Variants in SSH2 observed in about 807,000 individuals in gnomAD.
SSH2 encodes the protein protein phosphatase Slingshot homolog 2.
SSH2 carries 37 observed loss-of-function variants against 135.2 expected under a neutral mutation model. That is an observed-to-expected ratio of 0.27 (90% CI 0.21 to 0.36). The LOEUF (loss-of-function observed/expected upper bound fraction) is 0.36, where lower values mean the gene tolerates loss of function less well. Among genes scored for constraint, SSH2 ranks in the 10% least tolerant of loss-of-function variants. The pLI is 1.00. For missense variants in SSH2, 1,408 were observed against 1,765.3 expected (o/e 0.80, Z 3.63); for synonymous variants, 628 against 646.2 (o/e 0.97, Z 0.43).
At chr17:29,634,452 T>C (rs966894791) in intron 15 of SSH2, among the ~76,000 whole-genome samples, 1 of 152,256 alleles carries the variant, frequency 6.6e-6, no homozygotes, top group African/African-American at 2.4e-5. Flanking sequence ...GATATAGTGA[T>C]TCTTTTCCTG....
chr17:29,751,381 A>G (rs911576175), intron 3 of SSH2, among the ~76,000 whole-genome samples: 2 of 152,040 alleles, frequency 1.3e-5, no homozygotes, highest in African/African-American at 4.8e-5. Context: ...TGCAATTGCA[A>G]TGCAGCCTGG....
Position 29,627,199 on chromosome 17 carries a change from C to A in SSH2, c.*3642G>T, listed in dbSNP as rs1225538750. ...ATTCAAAATGTAAACAAAGTATCCACAAATAGTCCAAAAAAGCCAAAGAAT... is the reference window on the plus strand; with the variant it reads ...ATTCAAAATGTAAACAAAGTATCCAAAAATAGTCCAAAAAAGCCAAAGAAT... On this transcript the variant is annotated 3_prime_UTR_variant, in exon 16 of 16. Coordinates refer to ENST00000540801, the MANE Select transcript of SSH2 (RefSeq NM_001282129.2). 2.0e-5 allele frequency: 3 copies of A among 152,606 alleles called. No homozygotes were observed. Among genetic ancestry groups the A allele is most frequent in the Non-Finnish European group, 4.4e-5 (3 of 68,032 alleles). 9.5% of individuals were successfully genotyped at this position (152,606 alleles called of 1,614,324 possible).
intron 3 of SSH2, among the ~76,000 whole-genome samples, chr17:29,762,062 G>A (rs1445015019): frequency 6.6e-6 from 1 of 151,810 alleles, no homozygotes; most frequent in East Asian, 1.9e-4. Flanking sequence ...TGTATTTTTC[G>A]TAGAGATGGG....
intron 12 of SSH2, among the ~76,000 whole-genome samples, chr17:29,655,082 A>G (rs1382321509): frequency 1.3e-5 from 2 of 152,118 alleles, no homozygotes; most frequent in Non-Finnish European, 2.9e-5. Flanking sequence ...TGGGGGGACG[A>G]AACAGGGAGA....
intron 2 of SSH2, among the ~76,000 whole-genome samples, chr17:29,847,734 A>T (rs2043157181): frequency 6.6e-6 from 1 of 152,230 alleles, no homozygotes; most frequent in South Asian, 2.1e-4. Context: ...CAAAACCAGC[A>T]GACTGTGACA....
chr17:29,849,971 A>G (rs1204456369), intron 1 of SSH2, among the ~76,000 whole-genome samples: 3 of 142,428 alleles, frequency 2.1e-5, no homozygotes, highest in Admixed American at 7.2e-5. Context: ...CGGAGGTTTC[A>G]GTGAGCTGAG....
intron 2 of SSH2, among the ~76,000 whole-genome samples, chr17:29,823,326 C>T (rs1319066903): frequency 6.6e-6 from 1 of 152,148 alleles, no homozygotes; most frequent in African/African-American, 2.4e-5. Flanking sequence ...CATATGATTA[C>T]AAACTTATAG....
chr17:29,748,917 C>G (rs2040843192), intron 3 of SSH2, among the ~76,000 whole-genome samples: 1 of 152,086 alleles, frequency 6.6e-6, no homozygotes, highest in Non-Finnish European at 1.5e-5. Flanking sequence ...TAAACCAAGC[C>G]TAGCAATATG....
At chr17:29,682,659 A>AGAAG (rs1256519504) in intron 6 of SSH2, among the ~76,000 whole-genome samples, 10 of 152,086 alleles carry the variant, frequency 6.6e-5, no homozygotes, top group Non-Finnish European at 1.2e-4. Context: ...GGAAGATGAA[A>AGAAG]GAAGGAAGGA....
intron 1 of SSH2, among the ~76,000 whole-genome samples, chr17:29,882,474 G>A (rs1051386960): frequency 6.6e-6 from 1 of 152,140 alleles, no homozygotes; most frequent in Non-Finnish European, 1.5e-5. Flanking sequence ...TGCTCTGGCC[G>A]GGCGCAGTGG....
intron 3 of SSH2, among the ~76,000 whole-genome samples, chr17:29,717,523 C>T (rs988856984): frequency 2.0e-5 from 3 of 152,148 alleles, no homozygotes; most frequent in Non-Finnish European, 4.4e-5. Context: ...AACAACTGGC[C>T]AGAGATGAGC....
intron 2 of SSH2, among the ~76,000 whole-genome samples, chr17:29,797,515 A>C (rs554421995): frequency 6.6e-6 from 1 of 152,330 alleles, no homozygotes; most frequent in Non-Finnish European, 1.5e-5. Context: ...TTTATCGCTG[A>C]GGATTCCATC....
At chr17:29,851,976 C>CTA (rs2151391097) in intron 1 of SSH2, among the ~76,000 whole-genome samples, 1 of 152,226 alleles carries the variant, frequency 6.6e-6, no homozygotes, top group East Asian at 1.9e-4. Flanking sequence ...GATGTCCACA[C>CTA]TAGCTCTTTC....
intron 2 of SSH2, among the ~76,000 whole-genome samples, chr17:29,807,832 C>CTTTTTTTTT (rs58284055): frequency 1.1e-5 from 1 of 94,392 alleles, no homozygotes; most frequent in Non-Finnish European, 2.0e-5. Context: ...GTTTTGATGG[C>CTTTTTTTTT]TTTTTTTTTT....
Position 29,861,961 on chromosome 17 carries a change from T to TACA in SSH2, c.64-13035_64-13033dup, listed in dbSNP as rs375341683. 2.4e-3 allele frequency among the ~76,000 whole-genome samples: 370 copies of TACA among 152,248 alleles called. 2 individuals carry two copies. Among genetic ancestry groups the TACA allele is most frequent in the Middle Eastern group, 6.8e-3 (2 of 294 alleles). On this transcript the variant is annotated intron_variant, in intron 1 of 15. Transcript: ENST00000540801. Reference sequence around the variant, plus strand: ...AAAATTAATTAAGTACAATGGGAAATACAACACTATAGTTATATACTTTGC... The same window carrying TACA: ...AAAATTAATTAAGTACAATGGGAAATACAACAACACTATAGTTATATACTTTGC...
chr17:29,696,208 C>CACACACAT (rs373379041), intron 4 of SSH2, among the ~76,000 whole-genome samples: 2,864 of 140,728 alleles, frequency 0.02, 57 homozygotes, highest in East Asian at 0.1. Context: ...CACACACACA[C>CACACACAT]ATATGTATAT....
rs140605670 is a variant in SSH2 at position 29,675,807 on chromosome 17, G to GGA, written c.614+1011_614+1012dup. 14 of 150,538 alleles carry GGA rather than the reference G, an allele frequency of 9.3e-5. No individual in the cohort carries two copies. In the South Asian group the frequency reaches 1.0e-3, roughly 11 times the overall value. 9.3% of individuals were successfully genotyped at this position (150,538 alleles called of 1,614,324 possible). A position where few individuals can be genotyped will look rare whatever the true frequency, so the allele number is the denominator to read the frequency against. ...CAGAGGGAGACCCTGTCTCTTTAAA[G>GGA]GAGAGAGAGAGAGAGATATGAGAGA... On this transcript the variant is annotated intron_variant, in intron 8 of 15. Coordinates refer to ENST00000540801, the MANE Select transcript of SSH2 (RefSeq NM_001282129.2).
chr17:29,698,607 T>G (rs1235249172), intron 4 of SSH2, among the ~76,000 whole-genome samples: 1 of 151,962 alleles, frequency 6.6e-6, no homozygotes, highest in African/African-American at 2.4e-5. Context: ...CACCTCAGCC[T>G]CCAGGGTAGC....
At chr17:29,928,947 A>G (rs2067122228) in intron 1 of SSH2, among the ~76,000 whole-genome samples, 1 of 152,124 alleles carries the variant, frequency 6.6e-6, no homozygotes, top group South Asian at 2.1e-4. Flanking sequence ...AGTTGCTCGC[A>G]TTTTCACTCA....
Sources: gnomAD v4.1 joint callset for allele counts (sites outside exome capture counted in the v4.1 genomes callset) on GRCh38, gnomAD v4.1.1 for gene constraint, MANE v1.5 for transcripts, NCBI Gene and HGNC (gene_info 2026-07-23, HGNC 2026-07-21) for gene names.